MRRF: variants seen among roughly 807,000 people sequenced by gnomAD.
The protein encoded by MRRF is ribosome-recycling factor, mitochondrial.
A neutral mutation model predicts 25.1 loss-of-function variants in MRRF; 18 were observed. The ratio of observed to expected loss-of-function variants is 0.72; its 90% CI spans 0.50 to 1.06. The LOEUF (loss-of-function observed/expected upper bound fraction) is 1.06. Among genes scored for constraint, MRRF ranks in the 50% least tolerant of loss-of-function variants. The pLI is 0.00. For synonymous variants in MRRF, 113 were observed against 112.1 expected (o/e 1.01, Z -0.05); for missense variants, 323 against 319.3 (o/e 1.01, Z -0.09).
intron 5 of MRRF, among the ~76,000 whole-genome samples, chr9:122,301,744 T>C (rs1000593106): frequency 6.6e-6 from 1 of 151,946 alleles, no homozygotes; most frequent in Non-Finnish European, 1.5e-5. Context: ...TTTTTTTTTT[T>C]TCTTTTTGAG....
At chr9:122,265,870 C>T in intron 1 of MRRF, 2 of 681,230 alleles carry the variant, frequency 2.9e-6, no homozygotes, top group South Asian at 2.9e-5. Context: ...TTGGCCGTGC[C>T]AGGTGCATAA....
At chr9:122,310,357 G>T (rs1254574058) in intron 5 of MRRF, among the ~76,000 whole-genome samples, 1 of 152,168 alleles carries the variant, frequency 6.6e-6, no homozygotes, top group Non-Finnish European at 1.5e-5. Context: ...CCAGGGGTTT[G>T]TGGCTAAAGA....
chr9:122,313,189 T>C (rs1186863235), intron 5 of MRRF, 38 bp from the exon 6 acceptor site: 1 of 1,603,958 alleles, frequency 6.2e-7, no homozygotes, highest in African/African-American at 1.3e-5. Context: ...AGTTAATGTA[T>C]AGAATGATTT....
chr9:122,313,766 C>T (rs752470490), intron 6 of MRRF, among the ~76,000 whole-genome samples: 2 of 152,170 alleles, frequency 1.3e-5, no homozygotes, highest in African/African-American at 2.4e-5. Context: ...AGAGCCTCTA[C>T]GCTAATGCTC....
rs531259864 is a variant in MRRF at position 122,322,176 on chromosome 9, C to T, written c.712-364C>T. ...GAGATTGAGACCATTCTGGTGAGCACGGTGAAACCCCATCTCTACTAAAAA... is the reference window on the plus strand; with the variant it reads ...GAGATTGAGACCATTCTGGTGAGCATGGTGAAACCCCATCTCTACTAAAAA... On this transcript the variant is annotated intron_variant, in intron 6 of 6. Coordinates refer to ENST00000344641, the MANE Select transcript of MRRF (RefSeq NM_138777.5). Among the ~76,000 whole-genome samples, 9 of 152,058 alleles carry T rather than the reference C, an allele frequency of 5.9e-5. No homozygotes were observed. In the South Asian group the frequency reaches 8.3e-4, roughly 14 times the overall value.
intron 6 of MRRF, among the ~76,000 whole-genome samples, chr9:122,320,176 T>C (rs1350632582): frequency 2.0e-5 from 3 of 152,092 alleles, no homozygotes; most frequent in Non-Finnish European, 4.4e-5. Context: ...ACCTGCCCTT[T>C]TTCATTAATT....
Position 122,330,010 on chromosome 9 carries a change from A to T in MRRF, c.*7393A>T, listed in dbSNP as rs886553335. On this transcript the variant is annotated 3_prime_UTR_variant, in exon 7 of 7. Transcript: ENST00000344641. The surrounding 1 kb of genome is among the most constrained non-coding windows in gnomAD (Gnocchi z 4.2). ...AATTATCCTCACCTGCCTGCCCAGG[A>T]CCTTCAACCTCATCTGCTAAGTCGG... 1.3e-5 allele frequency: 2 copies of T among 152,282 alleles called. No homozygotes were observed. The highest frequency in any genetic ancestry group is 4.8e-5 in the African/African-American group (2 of 41,456). The allele number at this position is 152,282 out of a possible 1,614,324, so 9.4% of individuals were successfully genotyped here. A position where few individuals can be genotyped will look rare whatever the true frequency, so the allele number is the denominator to read the frequency against.
intron 6 of MRRF, among the ~76,000 whole-genome samples, chr9:122,315,415 C>T (rs1462172220): frequency 6.6e-6 from 1 of 152,194 alleles, no homozygotes; most frequent in South Asian, 2.1e-4. Flanking sequence ...TTGTTCTGCA[C>T]TTGATGTCCT....
At chr9:122,305,540 C>T (rs956939574) in intron 5 of MRRF, among the ~76,000 whole-genome samples, 2 of 152,094 alleles carry the variant, frequency 1.3e-5, no homozygotes, top group African/African-American at 2.4e-5. Flanking sequence ...ATTTACTGAG[C>T]TAATGCATGG....
chr9:122,316,785 C>G (rs1291828268), intron 6 of MRRF, among the ~76,000 whole-genome samples: 2 of 150,120 alleles, frequency 1.3e-5, no homozygotes, highest in African/African-American at 2.5e-5. Context: ...GGCAACCGCT[C>G]TTAACATTTT....
At chr9:122,308,131 G>A (rs1834974841) in intron 5 of MRRF, among the ~76,000 whole-genome samples, 1 of 152,060 alleles carries the variant, frequency 6.6e-6, no homozygotes, top group Admixed American at 6.5e-5. Context: ...GTATGACCCT[G>A]CCAGCTCAGC....
chr9:122,273,338 A>G (rs964479786), intron 2 of MRRF, among the ~76,000 whole-genome samples: 2 of 150,484 alleles, frequency 1.3e-5, no homozygotes, highest in Non-Finnish European at 3.0e-5. Context: ...GCTACTTGGG[A>G]GGCTGAAGTG....
chr9:122,290,967 A>G (rs1202918262), intron 4 of MRRF, among the ~76,000 whole-genome samples: 1 of 152,236 alleles, frequency 6.6e-6, no homozygotes, highest in African/African-American at 2.4e-5. Context: ...TCTTACCTTT[A>G]TATAATAAAT....
At chr9:122,287,873 G>T (rs1440910239) in intron 4 of MRRF, among the ~76,000 whole-genome samples, 2 of 152,130 alleles carry the variant, frequency 1.3e-5, no homozygotes, top group African/African-American at 4.8e-5. Context: ...TAAACAAATA[G>T]CTCTAACTAA....
At chr9:122,266,192 T>TA (rs1832072292) in intron 1 of MRRF, among the ~76,000 whole-genome samples, 1 of 152,254 alleles carries the variant, frequency 6.6e-6, no homozygotes. Flanking sequence ...GATTAGTCCT[T>TA]GTAGTACTTA....
At chr9:122,313,411 T>G in intron 6 of MRRF, 25 bp downstream of exon 6, 10 of 1,611,084 alleles carry the variant, frequency 6.2e-6, no homozygotes, top group Non-Finnish European at 8.5e-6. Context: ...AATGTAGTAG[T>G]GTCTGTGTAT....
rs1429622566 is a variant in MRRF, at chr9:122,313,386, G to A, written c.711G>A (p.Gln237=). The change falls in exon 6 of 7, where the codon CAG becomes CAA. Residue 237 remains glutamine, a splice_region_variant and synonymous_variant. Coordinates refer to ENST00000344641, the MANE Select transcript of MRRF (RefSeq NM_138777.5). ...SEDTIRLIEK[Q]ISQMADDTVA... ...ACACCATTAGGCTAATAGAGAAACA[G>A]GTACTATTGCCAGCAATGTAGTAGT... The A allele has an allele frequency of 1.2e-6, 2 of 1,613,888 alleles. No homozygotes were observed. Among genetic ancestry groups the A allele is most frequent in the East Asian group, 2.2e-5 (1 of 44,868 alleles).
intron 5 of MRRF, among the ~76,000 whole-genome samples, chr9:122,312,695 G>T (rs1337476580): frequency 1.3e-5 from 2 of 152,136 alleles, no homozygotes; most frequent in Non-Finnish European, 2.9e-5. Context: ...AATTTCTTTG[G>T]GCCTCATTTT....
chr9:122,274,800 C>G (rs1176022878), intron 2 of MRRF, among the ~76,000 whole-genome samples: 2 of 151,670 alleles, frequency 1.3e-5, no homozygotes, highest in Non-Finnish European at 2.9e-5. Context: ...CATCTACTTT[C>G]TTCTTTTCTT....
Sources: allele counts gnomAD v4.1 joint callset (sites outside exome capture counted in the v4.1 genomes callset), GRCh38; gene constraint gnomAD v4.1.1; non-coding constraint Gnocchi (gnomAD v3.1); transcripts MANE v1.5; gene names NCBI Gene and HGNC (gene_info 2026-07-23, HGNC 2026-07-21).